NSD1: variants seen among roughly 807,000 people sequenced by gnomAD.
The protein encoded by NSD1 is histone-lysine N-methyltransferase, H3 lysine-36 specific.
NSD1 carries 26 observed loss-of-function variants against 242.7 expected under a neutral mutation model. The ratio of observed to expected loss-of-function variants is 0.11; its 90% CI spans 0.08 to 0.15. The LOEUF (loss-of-function observed/expected upper bound fraction) is 0.15, where lower values mean the gene tolerates loss of function less well. Ranked by LOEUF, NSD1 falls within the 10% of genes least tolerant of loss-of-function variation. The pLI, the probability that NSD1 is intolerant of heterozygous loss-of-function variation, is 1.00. For synonymous variants in NSD1, 1,106 were observed against 1,178.1 expected, an observed-to-expected ratio of 0.94 and a Z score of 1.25; for missense variants, 2,495 against 3,272.8, an observed-to-expected ratio of 0.76 and a Z score of 5.80.
Position 177,295,480 on chromosome 5 carries a change from A to T in NSD1, c.*21A>T, listed in dbSNP as rs1760200045. ...AGTAGTACCAATCAATGTCACATGA[A>T]CAAACAAGCTGCCCCCAGGGTACCA... On this transcript the variant is annotated 3_prime_UTR_variant, in exon 23 of 23. Coordinates refer to ENST00000439151, the MANE Select transcript of NSD1 (RefSeq NM_022455.5). The surrounding 1 kb of genome is among the most constrained non-coding windows in gnomAD (Gnocchi z 4.3). The T allele has an allele frequency of 6.2e-7, 1 of 1,612,498 alleles. No individual in the cohort carries two copies. The highest frequency in any genetic ancestry group is 1.3e-5 in the African/African-American group (1 of 75,028).
Position 177,293,958 on chromosome 5 carries a change from A to T in NSD1, c.6590A>T (p.Asp2197Val). 6.2e-7 allele frequency: 1 copy of T among 1,614,022 alleles called. No individual in the cohort carries two copies. The highest frequency in any genetic ancestry group is 8.5e-7 in the Non-Finnish European group (1 of 1,180,000). ...GGGATGCTTTTCATTTCCAAACTGG[A>T]TGGGCGTCTGTCTTGTACTGAGCAT... ...REGMLFISKL[D>V]GRLSCTEHDP... Residue 2197 changes from aspartate to valine, a missense_variant, in exon 23 of 23, where the codon GAT (aspartate) becomes GTT (valine). Transcript: ENST00000439151.
At position 177,269,818 on chromosome 5, in the gene NSD1, C is replaced by A; in HGVS notation, c.5509+11C>A. The A allele has an allele frequency of 6.2e-7, 1 of 1,605,548 alleles. No homozygotes were observed. Among genetic ancestry groups the A allele is most frequent in the Non-Finnish European group, 8.5e-7 (1 of 1,174,444 alleles). On this transcript the variant is annotated intron_variant, in intron 16 of 22. Transcript: ENST00000439151. The surrounding 1 kb of genome is among the most constrained non-coding windows in gnomAD (Gnocchi z 5.1). ...GGACATATAAAAAAGGTAACTTTATCCTTTTTGTTTCTCAGGCAAACACAG... is the reference window on the plus strand; with the variant it reads ...GGACATATAAAAAAGGTAACTTTATACTTTTTGTTTCTCAGGCAAACACAG...
chr5:177,195,868 G>A (rs2149826421), intron 3 of NSD1, among the ~76,000 whole-genome samples: 1 of 152,092 alleles, frequency 6.6e-6, no homozygotes, highest in Non-Finnish European at 1.5e-5. Context: ...TAGGTTTTGG[G>A]ATTCATTATT....
intron 2 of NSD1, among the ~76,000 whole-genome samples, chr5:177,158,273 C>CTT (rs1174528143): frequency 1.2e-4 from 12 of 103,560 alleles, no homozygotes; most frequent in Admixed American, 1.0e-3. Context: ...TTCTTTCTTT[C>CTT]TTTCTTTCTT....
chr5:177,235,848 G>A lies in NSD1; in HGVS notation c.3824G>A (p.Arg1275Lys), dbSNP rs1277680822. Residue 1275 changes from arginine to lysine, a missense_variant, in exon 6 of 23, where the codon AGG becomes AAG. By Grantham distance (26) the Arg-to-Lys change is conservative. Coordinates refer to ENST00000439151, the MANE Select transcript of NSD1 (RefSeq NM_022455.5). ...GTGCGGTCAGAGAAGAAACGCCTTA[G>A]GAAGCCAAGCAAGTGGCTTTTGGAA... ...PAVRSEKKRL[R>K]KPSKWLLEYT... 6.2e-7 allele frequency: 1 copy of A among 1,613,860 alleles called. No individual in the cohort carries two copies. Among genetic ancestry groups the A allele is most frequent in the Non-Finnish European group, 8.5e-7 (1 of 1,179,922 alleles).
At chr5:177,193,602 T>C (rs114079271) in intron 3 of NSD1, among the ~76,000 whole-genome samples, 2,775 of 151,938 alleles carry the variant, frequency 0.018, 32 homozygotes, top group Non-Finnish European at 0.028. Flanking sequence ...GCTGTCCTTT[T>C]TTCTGTTAGG....
At position 177,251,819 on chromosome 5, in the gene NSD1, A is replaced by G; in HGVS notation, c.4731A>G (p.Pro1577=). 6.2e-7 allele frequency: 1 copy of G among 1,614,218 alleles called. No individual in the cohort carries two copies. The highest frequency in any genetic ancestry group is 1.1e-5 in the South Asian group (1 of 91,084). Residue 1577 remains proline, a synonymous_variant, in exon 12 of 23, where the codon CCA becomes CCG. Transcript: ENST00000439151. ...HLECLGLTEM[P]RGKFICNECR... The stretch of plus-strand genomic sequence containing the variant: ...AGTGCCTTGGATTGACTGAGATGCC[A>G]AGAGGAAAATTTATCTGCAATGAAT...
intron 11 of NSD1, among the ~76,000 whole-genome samples, chr5:177,250,648 T>C (rs543000949): frequency 4.8e-4 from 73 of 152,286 alleles, no homozygotes; most frequent in African/African-American, 1.7e-3. Flanking sequence ...TTTCAGTTTT[T>C]ATATGTGAAT....
intron 5 of NSD1, among the ~76,000 whole-genome samples, chr5:177,218,694 A>C (rs771054515): frequency 1.3e-5 from 2 of 151,328 alleles, no homozygotes; most frequent in Non-Finnish European, 2.9e-5. Context: ...CGGCTTCCTG[A>C]GTAGCTGGGA....
chr5:177,166,218 G>C (rs781743638), intron 2 of NSD1, among the ~76,000 whole-genome samples: 3 of 151,862 alleles, frequency 2.0e-5, no homozygotes, highest in African/African-American at 4.8e-5. Flanking sequence ...TGGCCTCCCA[G>C]CCCACATTCT....
At position 177,232,686 on chromosome 5, in the gene NSD1, C is replaced by T. The variant is rs372082960; in HGVS notation, c.3797-3135C>T. Among the ~76,000 whole-genome samples, 4 of 152,302 alleles carry T rather than the reference C, an allele frequency of 2.6e-5. No individual in the cohort carries two copies. The East Asian group carries it at 5.8e-4, about 22-fold the overall frequency. On this transcript the variant is annotated intron_variant, in intron 5 of 22. Coordinates refer to ENST00000439151, the MANE Select transcript of NSD1 (RefSeq NM_022455.5). ...CAAAATAACCCACATGGGGCAAAAG[C>T]CTCCTTGCATTATTCATTGTGTTTT... is the stretch of plus-strand genomic sequence containing the variant.
At chr5:177,232,342 T>G (rs1435534770) in intron 5 of NSD1, among the ~76,000 whole-genome samples, 1 of 152,224 alleles carries the variant, frequency 6.6e-6, no homozygotes, top group East Asian at 1.9e-4. Flanking sequence ...TTCTACAAAA[T>G]CCATAGAGAT....
intron 2 of NSD1, among the ~76,000 whole-genome samples, chr5:177,191,070 G>A (rs1761653490): frequency 6.7e-6 from 1 of 149,286 alleles, no homozygotes; most frequent in South Asian, 2.1e-4. Context: ...GGGTTCAAGC[G>A]ATTCTCCTGT....
intron 21 of NSD1, 149 bp downstream of exon 21, chr5:177,289,074 C>T: frequency 1.5e-6 from 1 of 688,304 alleles, no homozygotes; most frequent in East Asian, 2.9e-5. Context: ...AATCCCAGCA[C>T]TTTGGGAGGC....
chr5:177,144,393 T>TC (rs1372801736), intron 2 of NSD1, among the ~76,000 whole-genome samples: 1 of 144,694 alleles, frequency 6.9e-6, no homozygotes, highest in Non-Finnish European at 1.5e-5. Flanking sequence ...TTTTTTTTTT[T>TC]CTCTATTTTT....
chr5:177,259,922 A>G (rs1446491003), intron 13 of NSD1, 67 bp from the exon 14 acceptor site: 2 of 1,546,894 alleles, frequency 1.3e-6, no homozygotes, highest in Admixed American at 1.7e-5. Context: ...GACTTGAATA[A>G]CTCACATTCT....
chr5:177,142,319 T>C (rs1756892357), intron 2 of NSD1, among the ~76,000 whole-genome samples: 1 of 152,036 alleles, frequency 6.6e-6, no homozygotes, highest in Non-Finnish European at 1.5e-5. Flanking sequence ...ATAAAAAAAT[T>C]AAAAAAAGGA....
At chr5:177,234,958 G>A (rs1228402060) in intron 5 of NSD1, among the ~76,000 whole-genome samples, 2 of 152,228 alleles carry the variant, frequency 1.3e-5, no homozygotes, top group Non-Finnish European at 2.9e-5. Context: ...GCCCGACATT[G>A]TTATTACTGT....
Position 177,211,518 on chromosome 5 carries a change from A to G in NSD1, c.3119A>G (p.Lys1040Arg), listed in dbSNP as rs1378753430. ...LRDAFSAQMV[K>R]NTVNRKALKT... ...GATGCTTTTTCAGCCCAAATGGTAA[A>G]GAACACAGTGAACCGTAAAGCCTTA... The change falls in exon 5 of 23, where the codon AAG becomes AGG. Residue 1040 changes from lysine (K) to arginine (R), a missense_variant. Around this residue, in one of 19 missense-constraint regions of NSD1, gnomAD observed 426 missense variants for 411.4 expected, o/e 1.04. Coordinates refer to ENST00000439151, the MANE Select transcript of NSD1 (RefSeq NM_022455.5). 1.2e-6 allele frequency: 2 copies of G among 1,614,166 alleles called. No individual in the cohort carries two copies. Among genetic ancestry groups the G allele is most frequent in the Admixed American group, 1.7e-5 (1 of 60,024 alleles).
Sources: allele counts gnomAD v4.1 joint callset (sites outside exome capture counted in the v4.1 genomes callset), GRCh38; gene constraint gnomAD v4.1.1; regional missense constraint gnomAD v4.1.1; non-coding constraint Gnocchi (gnomAD v3.1); transcripts MANE v1.5; gene names NCBI Gene and HGNC (gene_info 2026-07-23, HGNC 2026-07-21).